MAOB: variants seen among roughly 807,000 people sequenced by gnomAD.
MAOB encodes amine oxidase [flavin-containing] B.
A neutral mutation model predicts 41.9 loss-of-function variants in MAOB; 15 were observed. That is an observed-to-expected ratio of 0.36 (90% CI 0.24 to 0.55). The LOEUF (loss-of-function observed/expected upper bound fraction) is 0.55, where lower values mean the gene tolerates loss of function less well. Among genes scored for constraint, MAOB ranks in the 20% least tolerant of loss-of-function variants. The probability of loss-of-function intolerance (pLI) is 0.86; values close to 1 mark genes in which losing one functional copy is unlikely to be tolerated. For synonymous variants in MAOB, 167 were observed against 144.2 expected, an observed-to-expected ratio of 1.16 and a Z score of -1.13; for missense variants, 345 against 398.7, an observed-to-expected ratio of 0.87 and a Z score of 1.15.
Position 43,775,235 on chromosome X carries a change from T to G in MAOB, c.1175A>C (p.Gln392Pro). Residue 392 changes from glutamine (Q) to proline (P), a missense_variant, in exon 12 of 15, where the codon CAG becomes CCG. By Grantham distance (76) the Gln-to-Pro change is moderately conservative. Transcript: ENST00000378069. Reference protein sequence around the residue: ...HYEEKNWCEEQYSGGCYTTYF... With the variant: ...HYEEKNWCEEPYSGGCYTTYF... Reference sequence around the variant, plus strand: ...AGTTGTGTAGCAGCCCCCAGAGTACTGCTCCTCACACCAGTTCTTTTCTTC... The same window carrying G: ...AGTTGTGTAGCAGCCCCCAGAGTACGGCTCCTCACACCAGTTCTTTTCTTC... 4 of 1,207,505 alleles carry G rather than the reference T, an allele frequency of 3.3e-6. No homozygotes were observed. The highest frequency in any genetic ancestry group is 3.4e-6 in the Non-Finnish European group (3 of 893,909).
chrX:43,863,188 C>T (rs2035343934), intron 1 of MAOB, among the ~76,000 whole-genome samples: 1 of 111,593 alleles, frequency 9.0e-6, no homozygotes, highest in Non-Finnish European at 1.9e-5. Context: ...AGGAAGAATA[C>T]CAAATATGGG....
rs776922903 is a variant in MAOB at position 43,847,507 on chromosome X, G to C, written c.47-3743C>G. Among the ~76,000 whole-genome samples, 326 of 111,495 alleles carry C rather than the reference G, an allele frequency of 2.9e-3. 1 individual carries two copies. Among genetic ancestry groups the C allele is most frequent in the Non-Finnish European group, 4.4e-3 (235 of 53,115 alleles). On this transcript the variant is annotated intron_variant, in intron 1 of 14. Coordinates refer to ENST00000378069, the MANE Select transcript of MAOB (RefSeq NM_000898.5). ...CTCATTTTAAAAAGAAAAAATGGCA[G>C]CTTAGAGACATTCAGTGACTTAACT... is the stretch of plus-strand genomic sequence containing the variant.
intron 1 of MAOB, among the ~76,000 whole-genome samples, chrX:43,877,369 C>G (rs182515098): frequency 1.4e-4 from 15 of 110,245 alleles, no homozygotes; most frequent in African/African-American, 5.0e-4. Context: ...AATTGTGACT[C>G]TAGTGGCAAC....
chrX:43,874,078 A>G (rs1235311556), intron 1 of MAOB, among the ~76,000 whole-genome samples: 1 of 112,280 alleles, frequency 8.9e-6, no homozygotes, highest in African/African-American at 3.2e-5. Flanking sequence ...GCCCTTGGGA[A>G]GAAAATCTCT....
intron 1 of MAOB, among the ~76,000 whole-genome samples, chrX:43,870,071 G>A (rs1453892157): frequency 7.1e-5 from 8 of 112,023 alleles, no homozygotes; most frequent in Admixed American, 6.6e-4. Context: ...TGCATAAAAT[G>A]GTCACAGGAT....
chrX:43,849,622 T>G (rs1410318861), intron 1 of MAOB, among the ~76,000 whole-genome samples: 1 of 112,979 alleles, frequency 8.9e-6, no homozygotes, highest in Non-Finnish European at 1.9e-5. Flanking sequence ...CGAATGCCCT[T>G]GGGCAGGGCA....
At chrX:43,834,133 G>A (rs2035047102) in intron 3 of MAOB, among the ~76,000 whole-genome samples, 1 of 112,154 alleles carries the variant, frequency 8.9e-6, no homozygotes, top group African/African-American at 3.2e-5. Flanking sequence ...GGTTCATTAA[G>A]CCCACTTCAG....
At position 43,778,742 on chromosome X, in the gene MAOB, G is replaced by A; in HGVS notation, c.1080-3C>T. The stretch of plus-strand genomic sequence containing the variant: ...AGAGTTCACAAAGTTTCTTCAACCT[G>A]TGAATGAAAAGAGACAAAAGAGAAA... On this transcript the variant is annotated splice_region_variant and splice_polypyrimidine_tract_variant and intron_variant, in intron 10 of 14. Transcript: ENST00000378069. The A allele has an allele frequency of 5.0e-6, 6 of 1,193,391 alleles. No individual in the cohort carries two copies. Among genetic ancestry groups the A allele is most frequent in the Non-Finnish European group, 6.8e-6 (6 of 882,002 alleles).
rs2147135264 is a variant in MAOB at position 43,797,200 on chromosome X, A to G, written c.543T>C (p.Ser181=). The change falls in exon 6 of 15, where the codon TCT becomes TCC. Residue 181 remains serine, a synonymous_variant. Coordinates refer to ENST00000378069, the MANE Select transcript of MAOB (RefSeq NM_000898.5). The part of the protein sequence containing the change: ...LCVTAETHEV[S]ALWFLWYVKQ... Reference sequence around the variant, plus strand: ...TCACATACCACAGGAACCAGAGAGCAGAGACCTCATGGGTCTCTGCAGTGA... The same window carrying G: ...TCACATACCACAGGAACCAGAGAGCGGAGACCTCATGGGTCTCTGCAGTGA... The G allele has an allele frequency of 8.3e-7, 1 of 1,203,825 alleles. No homozygotes were observed. Among genetic ancestry groups the G allele is most frequent in the African/African-American group, 1.8e-5 (1 of 57,125 alleles).
At chrX:43,786,360 G>A (rs1024565438) in intron 8 of MAOB, among the ~76,000 whole-genome samples, 2 of 111,522 alleles carry the variant, frequency 1.8e-5, no homozygotes, top group African/African-American at 6.5e-5. Flanking sequence ...TCCCCAACAT[G>A]TGTGCATACG....
intron 7 of MAOB, among the ~76,000 whole-genome samples, chrX:43,794,104 C>T (rs949435272): frequency 9.0e-6 from 1 of 111,631 alleles, no homozygotes; most frequent in Admixed American, 9.5e-5. Flanking sequence ...CTCGATCTTT[C>T]GACCTTGTGA....
intron 3 of MAOB, among the ~76,000 whole-genome samples, chrX:43,834,521 A>G (rs747233522): frequency 1.8e-5 from 2 of 112,110 alleles, no homozygotes; most frequent in South Asian, 7.5e-4. Context: ...CTGAGAGGCC[A>G]TTTAGACAGA....
At chrX:43,836,701 G>A (rs2035076032) in intron 3 of MAOB, among the ~76,000 whole-genome samples, 1 of 111,966 alleles carries the variant, frequency 8.9e-6, no homozygotes, top group South Asian at 3.7e-4. Context: ...GTATTATAAA[G>A]GGTTTGTTAA....
rs147523888 is a variant in MAOB at position 43,808,699 on chromosome X, G to GACACACACACACAC, written c.280-5309_280-5296dup. Among the ~76,000 whole-genome samples the GACACACACACACAC allele has an allele frequency of 6.8e-3, 600 of 87,611 alleles. 3 individuals are homozygous for GACACACACACACAC. The highest frequency in any genetic ancestry group is 0.042 in the East Asian group (112 of 2,637). 76.1% of individuals were successfully genotyped at this position (87,611 alleles called of 115,157 possible). On this transcript the variant is annotated intron_variant, in intron 3 of 14. Coordinates refer to ENST00000378069, the MANE Select transcript of MAOB (RefSeq NM_000898.5). ...ATATCTATATCTATATCTACACATAGACACACACACACACACACACACACA... is the reference window on the plus strand; with the variant it reads ...ATATCTATATCTATATCTACACATAGACACACACACACACACACACACACACACACACACACACA...
At chrX:43,772,777 G>T (rs1397654952) in intron 12 of MAOB, among the ~76,000 whole-genome samples, 3 of 111,123 alleles carry the variant, frequency 2.7e-5, no homozygotes, top group Non-Finnish European at 3.8e-5. Context: ...CTCATGGCTT[G>T]GTGCCTTCTT....
At chrX:43,792,934 C>T (rs1014871941) in intron 8 of MAOB, among the ~76,000 whole-genome samples, 1 of 111,810 alleles carries the variant, frequency 8.9e-6, no homozygotes, top group African/African-American at 3.2e-5. Context: ...AACGTAGGTG[C>T]CCATCAAAGG....
At chrX:43,781,614 G>T in intron 8 of MAOB, 70 bp from the exon 9 acceptor site, 1 of 565,765 alleles carries the variant, frequency 1.8e-6, no homozygotes, top group Non-Finnish European at 2.8e-6. Context: ...ATATAATGAA[G>T]TGCATGTTTT....
At chrX:43,877,181 G>T (rs2035445279) in intron 1 of MAOB, among the ~76,000 whole-genome samples, 1 of 112,204 alleles carries the variant, frequency 8.9e-6, no homozygotes, top group Admixed American at 9.4e-5. Flanking sequence ...AGTTAGTGGT[G>T]GAACCAGGGT....
At chrX:43,850,941 C>T (rs1181186951) in intron 1 of MAOB, among the ~76,000 whole-genome samples, 1 of 112,322 alleles carries the variant, frequency 8.9e-6, no homozygotes, top group African/African-American at 3.2e-5. Flanking sequence ...GTCTCTTCAT[C>T]ACAGTTTATA....
Sources: gnomAD v4.1 joint callset for allele counts (sites outside exome capture counted in the v4.1 genomes callset) on GRCh38, gnomAD v4.1.1 for gene constraint, MANE v1.5 for transcripts, NCBI Gene and HGNC (gene_info 2026-07-23, HGNC 2026-07-21) for gene names.